Variants in SLC38A4 observed in about 807,000 individuals in gnomAD.
The protein encoded by SLC38A4 is sodium-coupled neutral amino acid transporter 4.
A neutral mutation model predicts 63.1 loss-of-function variants in SLC38A4; 20 were observed. The ratio of observed to expected loss-of-function variants is 0.32; its 90% CI spans 0.22 to 0.46. The LOEUF (loss-of-function observed/expected upper bound fraction) is 0.46. SLC38A4 is among the 20% of genes least tolerant of loss of function. The probability of loss-of-function intolerance (pLI) is 1.00; values close to 1 mark genes in which losing one functional copy is unlikely to be tolerated. For synonymous variants in SLC38A4, 230 were observed against 225.5 expected (o/e 1.02, Z -0.18); for missense variants, 526 against 663.6 (o/e 0.79, Z 2.28).
At chr12:46,773,933 A>G (rs956662687) in intron 14 of SLC38A4, among the ~76,000 whole-genome samples, 1 of 152,050 alleles carries the variant, frequency 6.6e-6, no homozygotes, top group Non-Finnish European at 1.5e-5. Context: ...GGCTCCAGAT[A>G]TCCTTTTCTC....
At position 46,769,396 on chromosome 12, in the gene SLC38A4, G is replaced by C. The variant is rs1327401576; in HGVS notation, c.1332C>G (p.Pro444=). The change falls in exon 15 of 17, where the codon CCC becomes CCG. Residue 444 remains proline, a synonymous_variant. Transcript: ENST00000266579. ...IRTSVITLLF[P]KRPFSWIRHF... ...GTCGTATCCAGCTGAAGGGTCGTTTGGGAAATAACAGTGTGATCACTGATG... is the reference window on the plus strand; with the variant it reads ...GTCGTATCCAGCTGAAGGGTCGTTTCGGAAATAACAGTGTGATCACTGATG... The C allele has an allele frequency of 1.2e-6, 2 of 1,613,366 alleles. No homozygotes were observed. Among genetic ancestry groups the C allele is most frequent in the East Asian group, 4.5e-5 (2 of 44,864 alleles).
Position 46,778,139 on chromosome 12 carries a change from TTTCTGATTAAA to T in SLC38A4, c.1073+139_1073+149del, listed in dbSNP as rs1206222966. The T allele has an allele frequency of 4.1e-5, 29 of 699,608 alleles. No homozygotes were observed. In the East Asian group the frequency reaches 7.8e-4, roughly 19 times the overall value. The allele number at this position is 699,608 out of a possible 1,614,324, so 43.3% of individuals were successfully genotyped here. On this transcript the variant is annotated intron_variant, in intron 12 of 16. Coordinates refer to ENST00000266579, the MANE Select transcript of SLC38A4 (RefSeq NM_018018.5). ...GTGCTGTGGTGGGCTGATTCCCACCTTTCTGATTAAAGCATGTTACTGAGGAGTGGATGGAG... is the reference window on the plus strand; with the variant it reads ...GTGCTGTGGTGGGCTGATTCCCACCTGCATGTTACTGAGGAGTGGATGGAG...
chr12:46,812,032 G>A (rs1037230164), intron 1 of SLC38A4, among the ~76,000 whole-genome samples: 5 of 152,000 alleles, frequency 3.3e-5, no homozygotes, highest in African/African-American at 1.2e-4. Flanking sequence ...CCACCTAAGT[G>A]AAGATCAATG....
At chr12:46,819,019 G>T (rs57169663) in intron 1 of SLC38A4, among the ~76,000 whole-genome samples, 3,972 of 151,602 alleles carry the variant, frequency 0.026, 161 homozygotes, top group African/African-American at 0.09. Context: ...ATGACAATTT[G>T]CAATTTAAAA....
chr12:46,810,487 C>G (rs572405560), intron 1 of SLC38A4, among the ~76,000 whole-genome samples: 2,223 of 151,242 alleles, frequency 0.015, 23 homozygotes, highest in Non-Finnish European at 0.022. Flanking sequence ...ATGTGTATAC[C>G]TATGTAACAA....
intron 1 of SLC38A4, among the ~76,000 whole-genome samples, chr12:46,823,614 G>A (rs1302108030): frequency 6.6e-6 from 1 of 152,200 alleles, no homozygotes; most frequent in East Asian, 1.9e-4. Context: ...CTCAAGTCTA[G>A]TCAGGGCTCC....
rs377613396 is a variant in SLC38A4 at position 46,766,694 on chromosome 12, C to G, written c.*7G>C. 1.5e-4 allele frequency: 230 copies of G among 1,566,054 alleles called. No homozygotes were observed. The highest frequency in any genetic ancestry group is 1.9e-4 in the Non-Finnish European group (216 of 1,139,068). ...TCCAATAGAAAAAGAAAGTATTTTT[C>G]CTTGTGTTAGTGATGCTTGGAATTT... On this transcript the variant is annotated 3_prime_UTR_variant, in exon 17 of 17. Transcript: ENST00000266579.
At chr12:46,769,253 T>C (rs1320147284) in intron 15 of SLC38A4, 31 bp downstream of exon 15, 1 of 1,611,414 alleles carries the variant, frequency 6.2e-7, no homozygotes, top group East Asian at 2.2e-5. Flanking sequence ...TGAGTTTGGG[T>C]TGACCAAATT....
chr12:46,766,631 T>A lies in SLC38A4; in HGVS notation c.*70A>T. 9.6e-7 allele frequency: 1 copy of A among 1,043,848 alleles called. No homozygotes were observed. The highest frequency in any genetic ancestry group is 1.3e-5 in the South Asian group (1 of 74,296). The allele number at this position is 1,043,848 out of a possible 1,614,324, so 64.7% of individuals were successfully genotyped here. ...CCTATGAATAACATTCCAATCAAGA[T>A]AATTCAAATATCTTTTGGAGTATAA... is the stretch of plus-strand genomic sequence containing the variant. On this transcript the variant is annotated 3_prime_UTR_variant, in exon 17 of 17. Transcript: ENST00000266579.
intron 1 of SLC38A4, among the ~76,000 whole-genome samples, chr12:46,811,843 A>G (rs1341996075): frequency 1.3e-5 from 2 of 151,528 alleles, no homozygotes; most frequent in Non-Finnish European, 2.9e-5. Flanking sequence ...TAGGTTCATG[A>G]AGTATTTTGC....
intron 2 of SLC38A4, among the ~76,000 whole-genome samples, chr12:46,800,797 C>T (rs547567948): frequency 6.6e-6 from 1 of 152,048 alleles, no homozygotes; most frequent in Non-Finnish European, 1.5e-5. Context: ...TTACATTCCA[C>T]TAAGATAAAT....
intron 2 of SLC38A4, among the ~76,000 whole-genome samples, chr12:46,799,365 G>T (rs74832478): frequency 0.065 from 9,888 of 152,174 alleles, 372 homozygotes; most frequent in South Asian, 0.14. Flanking sequence ...GCTTTGGGAG[G>T]CTGAGGAGGG....
Position 46,768,367 on chromosome 12 carries a change from T to C in SLC38A4, c.1485A>G (p.Ala495=), listed in dbSNP as rs1441802408. 1.9e-6 allele frequency: 3 copies of C among 1,611,498 alleles called. No homozygotes were observed. Among genetic ancestry groups the C allele is most frequent in the Non-Finnish European group, 2.5e-6 (3 of 1,178,536 alleles). Residue 495 remains alanine (A), a synonymous_variant, in exon 16 of 17, where the codon GCA becomes GCG. Coordinates refer to ENST00000266579, the MANE Select transcript of SLC38A4 (RefSeq NM_018018.5). ...SATMLIFILP[A]VFYLKLVKKE... is the part of the protein sequence containing the mutation. Reference sequence around the variant, plus strand: ...TCTTGACAAGTTTAAGATAAAAAACTGCTGGAAGAATAAAAATCAGCATAG... The same window carrying C: ...TCTTGACAAGTTTAAGATAAAAAACCGCTGGAAGAATAAAAATCAGCATAG...
At chr12:46,803,175 T>C (rs1012044187) in intron 2 of SLC38A4, among the ~76,000 whole-genome samples, 2 of 152,112 alleles carry the variant, frequency 1.3e-5, no homozygotes, top group African/African-American at 4.8e-5. Context: ...TGGGGTTTTA[T>C]TTGTTTTCAA....
At chr12:46,830,150 A>C (rs1174852641), upstream of SLC38A4, among the ~76,000 whole-genome samples, 1 of 152,186 alleles carries the variant, frequency 6.6e-6, no homozygotes, top group Non-Finnish European at 1.5e-5. Context: ...AGCCTGATAA[A>C]AAGTTTCCTT....
intron 14 of SLC38A4, among the ~76,000 whole-genome samples, chr12:46,772,226 G>A (rs954334722): frequency 2.6e-5 from 4 of 151,700 alleles, no homozygotes; most frequent in African/African-American, 7.3e-5. Context: ...GAAAACCTAC[G>A]AATCACTGCT....
At chr12:46,812,880 T>A (rs946063044) in intron 1 of SLC38A4, among the ~76,000 whole-genome samples, 5 of 152,038 alleles carry the variant, frequency 3.3e-5, no homozygotes, top group Non-Finnish European at 5.9e-5. Flanking sequence ...CGATATGAAA[T>A]CTCAATTCTG....
At chr12:46,793,782 A>G (rs1938943610) in intron 2 of SLC38A4, among the ~76,000 whole-genome samples, 1 of 152,146 alleles carries the variant, frequency 6.6e-6, no homozygotes, top group African/African-American at 2.4e-5. Context: ...GTTCAGATTT[A>G]CCTCTGGGTC....
chr12:46,825,313 T>TATATATATATA (rs1939626107), intron 1 of SLC38A4, among the ~76,000 whole-genome samples: 2 of 140,444 alleles, frequency 1.4e-5, no homozygotes, highest in African/African-American at 5.2e-5. Context: ...TATACAAAGT[T>TATATATATATA]TATATATATA....
Sources: allele counts gnomAD v4.1 joint callset (sites outside exome capture counted in the v4.1 genomes callset), GRCh38; gene constraint gnomAD v4.1.1; transcripts MANE v1.5; gene names NCBI Gene and HGNC (gene_info 2026-07-23, HGNC 2026-07-21).